THAP12: variants seen among roughly 807,000 people sequenced by gnomAD.
The protein encoded by THAP12 is THAP domain containing 12.
In THAP12, 20 loss-of-function variants were observed where a neutral mutation model predicts 63.0. The ratio of observed to expected loss-of-function variants is 0.32; its 90% CI spans 0.22 to 0.46. The LOEUF (loss-of-function observed/expected upper bound fraction) is 0.46. Among genes scored for constraint, THAP12 ranks in the 20% least tolerant of loss-of-function variants. The pLI is 1.00. For missense variants in THAP12, 568 were observed against 908.2 expected (o/e 0.63, Z 4.81); for synonymous variants, 264 against 328.4 (o/e 0.80, Z 2.12).
At chr11:76,373,932 T>TA (rs1443191207) in intron 1 of THAP12, among the ~76,000 whole-genome samples, 3 of 152,150 alleles carry the variant, frequency 2.0e-5, no homozygotes, top group African/African-American at 4.8e-5. Context: ...AACGTTTTAA[T>TA]AAAAAATTGC....
At chr11:76,380,723 C>G in intron 1 of THAP12, 25 bp downstream of exon 1, 4 of 1,394,464 alleles carry the variant, frequency 2.9e-6, no homozygotes, top group Non-Finnish European at 3.8e-6. Context: ...GGGCCCGGGC[C>G]GCCCGCTCTG....
chr11:76,365,002 CGGG>C (rs1946621274), intron 2 of THAP12, among the ~76,000 whole-genome samples: 1 of 152,044 alleles, frequency 6.6e-6, no homozygotes, highest in Non-Finnish European at 1.5e-5. Flanking sequence ...TTACCTCAGC[CGGG>C]TGTGGAGGCT....
rs776269075 is a variant in THAP12 at position 76,352,659 on chromosome 11, T to C, written c.491A>G (p.Glu164Gly). Residue 164 changes from glutamate (E) to glycine (G), a missense_variant, in exon 5 of 5, where the codon GAA (glutamate) becomes GGA (glycine). By Grantham distance (98) the Glu-to-Gly change is moderately conservative. Transcript: ENST00000260045. ...GATTTCAAATAGAGATTTTAGGTAT[T>C]CTTTGTTTTCCTTCTCTTCAAGGGT... ...PLTLEEKENK[E>G]YLKSLFEILI... The C allele has an allele frequency of 6.2e-7, 1 of 1,612,258 alleles. No homozygotes were observed.
At chr11:76,362,065 G>C (rs568809682) in intron 2 of THAP12, among the ~76,000 whole-genome samples, 2 of 152,298 alleles carry the variant, frequency 1.3e-5, no homozygotes, top group South Asian at 2.1e-4. Context: ...TGCATACTTA[G>C]ATGGTAACGG....
At chr11:76,367,231 C>T (rs974565562) in intron 1 of THAP12, among the ~76,000 whole-genome samples, 1 of 151,810 alleles carries the variant, frequency 6.6e-6, no homozygotes, top group East Asian at 1.9e-4. Flanking sequence ...CATGCGTTAC[C>T]ACGCCTGGCT....
rs1946514004 is a variant in THAP12, at chr11:76,350,018, C to CA, written c.*845dup. The stretch of plus-strand genomic sequence containing the variant: ...ACTATACAAAATTGATTTTCTTCAC[C>CA]AAAAATAACAGCAATATTTTCCATA... On this transcript the variant is annotated 3_prime_UTR_variant, in exon 5 of 5. Coordinates refer to ENST00000260045, the MANE Select transcript of THAP12 (RefSeq NM_004705.4). 1 of 152,350 alleles carries CA rather than the reference C, an allele frequency of 6.6e-6. No individual in the cohort carries two copies. The highest frequency in any genetic ancestry group is 6.6e-5 in the Admixed American group (1 of 15,246). 9.4% of individuals were successfully genotyped at this position (152,350 alleles called of 1,614,324 possible). A position where few individuals can be genotyped will look rare whatever the true frequency, so the allele number is the denominator to read the frequency against.
Position 76,363,760 on chromosome 11 carries a change from T to G in THAP12, c.210+2092A>C, listed in dbSNP as rs190459703. 3.9e-5 allele frequency among the ~76,000 whole-genome samples: 6 copies of G among 152,126 alleles called. No individual in the cohort carries two copies. The East Asian group carries it at 9.7e-4, about 25-fold the overall frequency. ...TGCACCGCCATGCCCAGCAAAATTT[T>G]TTTTGTTTTGTTTTGTTTGGTATTT... is the stretch of plus-strand genomic sequence containing the variant. On this transcript the variant is annotated intron_variant, in intron 2 of 4. Transcript: ENST00000260045.
At chr11:76,366,879 A>T (rs950229103) in intron 1 of THAP12, among the ~76,000 whole-genome samples, 1 of 152,100 alleles carries the variant, frequency 6.6e-6, no homozygotes, top group African/African-American at 2.4e-5. Flanking sequence ...GAAGACAGAG[A>T]ACAAGACAAA....
chr11:76,374,386 CAAAAA>C (rs34052754), intron 1 of THAP12, among the ~76,000 whole-genome samples: 1 of 138,716 alleles, frequency 7.2e-6, no homozygotes, highest in Non-Finnish European at 1.6e-5. Context: ...ATTCATTATA[CAAAAA>C]AAAAAAAAAA....
At chr11:76,375,589 T>C (rs1946703560) in intron 1 of THAP12, among the ~76,000 whole-genome samples, 1 of 152,090 alleles carries the variant, frequency 6.6e-6, no homozygotes, top group African/African-American at 2.4e-5. Context: ...TCTAAAAGCA[T>C]GCATGGAATT....
At chr11:76,364,746 T>C (rs1017749407) in intron 2 of THAP12, among the ~76,000 whole-genome samples, 4 of 152,214 alleles carry the variant, frequency 2.6e-5, no homozygotes, top group Non-Finnish European at 5.9e-5. Context: ...ATATTATTGA[T>C]GAAAATGTTT....
chr11:76,380,476 G>A (rs373772025), intron 1 of THAP12, among the ~76,000 whole-genome samples: 8 of 152,182 alleles, frequency 5.3e-5, no homozygotes, highest in African/African-American at 1.9e-4. Context: ...AGCATCCCGC[G>A]TCCGCGCGCC....
intron 2 of THAP12, chr11:76,361,317 G>A (rs747214575): frequency 9.6e-5 from 35 of 365,080 alleles, no homozygotes; most frequent in Non-Finnish European, 1.4e-4. Context: ...CTTGCATTTT[G>A]CATATCTGTT....
chr11:76,356,546 T>G (rs527708167), intron 3 of THAP12: 1 of 152,320 alleles, frequency 6.6e-6, no homozygotes, highest in South Asian at 2.1e-4. Flanking sequence ...TTACACTTCA[T>G]ATCTATGGAT....
rs995016003 is a variant in THAP12 at position 76,376,129 on chromosome 11, G to A, written c.89+4619C>T. On this transcript the variant is annotated intron_variant, in intron 1 of 4. Coordinates refer to ENST00000260045, the MANE Select transcript of THAP12 (RefSeq NM_004705.4). Reference sequence around the variant, plus strand: ...TAAATGAAAAAGTTTTGAAAATAGTGGAGAAGGTTGCACAACACTGTGAAT... The same window carrying A: ...TAAATGAAAAAGTTTTGAAAATAGTAGAGAAGGTTGCACAACACTGTGAAT... 2.0e-5 allele frequency among the ~76,000 whole-genome samples: 3 copies of A among 152,106 alleles called. No individual in the cohort carries two copies. The East Asian group carries it at 5.8e-4, about 29-fold the overall frequency.
chr11:76,365,738 G>A, intron 2 of THAP12, 114 bp downstream of exon 2: 8 of 1,278,122 alleles, frequency 6.3e-6, no homozygotes, highest in Non-Finnish European at 8.5e-6. Context: ...ATCTTAAAGT[G>A]GCAGGATATA....
At chr11:76,357,592 G>A (rs1032115210) in intron 3 of THAP12, 1 of 152,088 alleles carries the variant, frequency 6.6e-6, no homozygotes, top group African/African-American at 2.4e-5. Flanking sequence ...ACAAGAATCA[G>A]GCTGGCACAG....
intron 4 of THAP12, among the ~76,000 whole-genome samples, chr11:76,354,543 G>T (rs183476739): frequency 1.3e-5 from 2 of 152,208 alleles, no homozygotes; most frequent in East Asian, 3.9e-4. Context: ...GGTGTCATAG[G>T]TATACAAATT....
At chr11:76,360,019 T>A (rs781733472) in intron 3 of THAP12, among the ~76,000 whole-genome samples, 1 of 152,110 alleles carries the variant, frequency 6.6e-6, no homozygotes, top group African/African-American at 2.4e-5. Context: ...TGTAAACTTG[T>A]TATATAACAG....
Sources: allele counts gnomAD v4.1 joint callset (sites outside exome capture counted in the v4.1 genomes callset), GRCh38; gene constraint gnomAD v4.1.1; transcripts MANE v1.5; gene names NCBI Gene and HGNC (gene_info 2026-07-23, HGNC 2026-07-21).